The following ELMO1 variants were observed in gnomAD, a reference collection of about 807,000 sequenced individuals.
The protein encoded by ELMO1 is engulfment and cell motility 1.
Under a neutral mutation model 98.9 loss-of-function variants are expected in ELMO1, and 26 were observed. The observed-to-expected ratio is 0.26, with a 90% confidence interval of 0.19 to 0.36. The LOEUF is 0.36. ELMO1 is among the 10% of genes least tolerant of loss of function. The pLI, the probability that ELMO1 is intolerant of heterozygous loss-of-function variation, is 1.00. For synonymous variants in ELMO1, 346 were observed against 346.0 expected (o/e 1.00, Z 0.00); for missense variants, 627 against 935.2 (o/e 0.67, Z 4.30).
intron 16 of ELMO1, among the ~76,000 whole-genome samples, chr7:36,897,750 C>A (rs1424840579): frequency 2.6e-5 from 4 of 152,134 alleles, no homozygotes; most frequent in Non-Finnish European, 5.9e-5. Context: ...TCCTAGAGCC[C>A]CATTCCTCTA....
At chr7:37,063,013 A>G (rs1796749794) in intron 15 of ELMO1, among the ~76,000 whole-genome samples, 1 of 152,232 alleles carries the variant, frequency 6.6e-6, no homozygotes, top group Non-Finnish European at 1.5e-5. Flanking sequence ...GCTCCCCTAC[A>G]CATGCAGGCC....
intron 13 of ELMO1, among the ~76,000 whole-genome samples, chr7:37,160,813 T>C (rs989006819): frequency 5.9e-5 from 9 of 152,092 alleles, no homozygotes; most frequent in Non-Finnish European, 1.0e-4. Context: ...TCAGGCCTGA[T>C]GGTCTTCATC....
intron 16 of ELMO1, among the ~76,000 whole-genome samples, chr7:36,931,445 C>CA (rs1786029290): frequency 6.6e-6 from 1 of 152,132 alleles, no homozygotes; most frequent in African/African-American, 2.4e-5. Flanking sequence ...ACTAAAAGTA[C>CA]AAAAAATTAG....
intron 1 of ELMO1, among the ~76,000 whole-genome samples, chr7:37,376,816 G>C (rs752863989): frequency 6.6e-6 from 1 of 152,160 alleles, no homozygotes; most frequent in Non-Finnish European, 1.5e-5. Context: ...CCGTCTCAGC[G>C]TTTTGGCTTT....
chr7:37,432,712 T>A (rs573383212), intron 1 of ELMO1, among the ~76,000 whole-genome samples: 1 of 152,338 alleles, frequency 6.6e-6, no homozygotes, highest in East Asian at 1.9e-4. Context: ...CCAATGTGTA[T>A]CACAGATGCC....
chr7:37,153,445 T>C (rs1318102895), intron 13 of ELMO1, among the ~76,000 whole-genome samples: 1 of 152,186 alleles, frequency 6.6e-6, no homozygotes, highest in Non-Finnish European at 1.5e-5. Context: ...ATACCGTGCT[T>C]TTCCCACAGT....
chr7:36,974,811 C>T lies in ELMO1; in HGVS notation c.1437+38488G>A, dbSNP rs570170298. Among the ~76,000 whole-genome samples, 6 of 152,308 alleles carry T rather than the reference C, an allele frequency of 3.9e-5. No individual in the cohort carries two copies. The South Asian group carries it at 8.3e-4, about 21-fold the overall frequency. ...CTTTTATGAGCTGTAACACTCACCGCGAAGGTCTGCAGCTTCACTCCTGAA... is the reference window on the plus strand; with the variant it reads ...CTTTTATGAGCTGTAACACTCACCGTGAAGGTCTGCAGCTTCACTCCTGAA... On this transcript the variant is annotated intron_variant, in intron 16 of 21. Transcript: ENST00000310758.
intron 10 of ELMO1, among the ~76,000 whole-genome samples, chr7:37,218,507 T>A (rs1427074310): frequency 6.6e-6 from 1 of 152,182 alleles, no homozygotes; most frequent in African/African-American, 2.4e-5. Context: ...AATAGAAATA[T>A]CCATGCCTCC....
intron 6 of ELMO1, among the ~76,000 whole-genome samples, chr7:37,246,902 T>C (rs1795044502): frequency 6.7e-6 from 1 of 148,638 alleles, no homozygotes; most frequent in Non-Finnish European, 1.5e-5. Flanking sequence ...CTATATCTCC[T>C]GTCTGGCAGT....
chr7:37,085,713 A>C lies in ELMO1; in HGVS notation c.1300+10906T>G, dbSNP rs1783729684. Among the ~76,000 whole-genome samples, 4 of 152,280 alleles carry C rather than the reference A, an allele frequency of 2.6e-5. No homozygotes were observed. The South Asian group carries it at 8.3e-4, about 32-fold the overall frequency. On this transcript the variant is annotated intron_variant, in intron 15 of 21. Coordinates refer to ENST00000310758, the MANE Select transcript of ELMO1 (RefSeq NM_014800.11). ...AGACTGGCATCTCTGGAACTAGGGA[A>C]AGATGGTTTTTGCACTTTACACCTT...
intron 14 of ELMO1, among the ~76,000 whole-genome samples, chr7:37,122,073 A>G (rs1786093265): frequency 6.6e-6 from 1 of 152,226 alleles, no homozygotes; most frequent in Non-Finnish European, 1.5e-5. Flanking sequence ...TCCTTTAGAG[A>G]CAAACAAATG....
intron 16 of ELMO1, among the ~76,000 whole-genome samples, chr7:36,901,387 A>G (rs1481085652): frequency 6.6e-6 from 1 of 152,230 alleles, no homozygotes; most frequent in East Asian, 1.9e-4. Context: ...TGTTAAGGGC[A>G]GATAGCAGTA....
At chr7:37,126,746 C>T (rs1275485194) in intron 14 of ELMO1, among the ~76,000 whole-genome samples, 3 of 152,320 alleles carry the variant, frequency 2.0e-5, no homozygotes, top group East Asian at 3.9e-4. Flanking sequence ...CCTTTCTTCA[C>T]CACCACAGCC....
At chr7:37,363,176 G>C (rs1801763458) in intron 1 of ELMO1, among the ~76,000 whole-genome samples, 1 of 152,086 alleles carries the variant, frequency 6.6e-6, no homozygotes, top group Non-Finnish European at 1.5e-5. Flanking sequence ...GCTTGTGCCA[G>C]ACCAAGGAGT....
chr7:37,345,221 C>T (rs148194249), intron 1 of ELMO1, among the ~76,000 whole-genome samples: 36 of 152,262 alleles, frequency 2.4e-4, no homozygotes, highest in African/African-American at 8.7e-4. Context: ...ATTATTGAGC[C>T]TCTGCTCAGT....
chr7:36,896,888 T>C (rs1172866461), intron 16 of ELMO1, among the ~76,000 whole-genome samples: 2 of 152,216 alleles, frequency 1.3e-5, no homozygotes, highest in African/African-American at 4.8e-5. Flanking sequence ...ATCATTACTG[T>C]TTCCCAATGA....
At chr7:37,070,307 G>A (rs183205607) in intron 15 of ELMO1, among the ~76,000 whole-genome samples, 15 of 152,328 alleles carry the variant, frequency 9.8e-5, no homozygotes, top group African/African-American at 3.6e-4. Context: ...ATCTTGGGGA[G>A]TGTGATTAAA....
At chr7:36,999,707 A>C (rs1792498539) in intron 16 of ELMO1, among the ~76,000 whole-genome samples, 1 of 152,174 alleles carries the variant, frequency 6.6e-6, no homozygotes. Context: ...GCCATTTGAA[A>C]TTGCTGTATT....
In ELMO1 at chr7:37,442,328, C is replaced by T. The variant is rs140644727; in HGVS notation, c.-74+6347G>A. On this transcript the variant is annotated intron_variant, in intron 1 of 21. Transcript: ENST00000310758. ...GCATCGCCCAAAGGAGAAACCATCA[C>T]GGTCAAAGGACTCCAGTCTCTGGTT... Among the ~76,000 whole-genome samples the T allele has an allele frequency of 2.0e-4, 31 of 152,274 alleles. 2 individuals carry two copies. The highest frequency in any genetic ancestry group is 6.5e-4 in the Admixed American group (10 of 15,296).
Sources: allele counts gnomAD v4.1 joint callset (sites outside exome capture counted in the v4.1 genomes callset), GRCh38; gene constraint gnomAD v4.1.1; transcripts MANE v1.5; gene names NCBI Gene and HGNC (gene_info 2026-07-23, HGNC 2026-07-21).